The following PHTF2 variants were observed in gnomAD, a reference collection of about 807,000 sequenced individuals.
The protein encoded by PHTF2 is putative homeodomain transcription factor 2.
Under a neutral mutation model 101.2 loss-of-function variants are expected in PHTF2, and 60 were observed. The observed-to-expected ratio is 0.59, with a 90% confidence interval of 0.48 to 0.73. PHTF2 has a LOEUF of 0.73. Ranked by LOEUF, PHTF2 falls within the 30% of genes least tolerant of loss-of-function variation. The probability of loss-of-function intolerance (pLI) is 0.00; values close to 1 mark genes in which losing one functional copy is unlikely to be tolerated. For synonymous variants in PHTF2, 311 were observed against 307.3 expected (o/e 1.01, Z -0.13); for missense variants, 747 against 908.7 (o/e 0.82, Z 2.29).
intron 3 of PHTF2, among the ~76,000 whole-genome samples, chr7:77,863,206 G>A (rs779106581): frequency 1.3e-5 from 2 of 152,118 alleles, no homozygotes; most frequent in Non-Finnish European, 2.9e-5. Context: ...TGATGGATTC[G>A]AATTACAAAG....
intron 1 of PHTF2, 68 bp downstream of exon 1, chr7:77,799,039 G>A (rs1584320023): frequency 6.5e-6 from 1 of 152,700 alleles, no homozygotes; most frequent in Admixed American, 6.5e-5. Flanking sequence ...ACAGAATTTC[G>A]AGGATGGATC....
chr7:77,822,103 T>G (rs946713700), intron 1 of PHTF2, among the ~76,000 whole-genome samples: 1 of 152,166 alleles, frequency 6.6e-6, no homozygotes, highest in Non-Finnish European at 1.5e-5. Flanking sequence ...GGAGGGCATA[T>G]AGCAGTTTTC....
chr7:77,826,225 A>T (rs1400187940), intron 1 of PHTF2, among the ~76,000 whole-genome samples: 2 of 152,228 alleles, frequency 1.3e-5, no homozygotes, highest in African/African-American at 4.8e-5. Flanking sequence ...AGAGAAAAAA[A>T]TTCAAGATGG....
intron 1 of PHTF2, among the ~76,000 whole-genome samples, chr7:77,835,372 G>T (rs1032126182): frequency 6.6e-6 from 1 of 152,050 alleles, no homozygotes; most frequent in East Asian, 1.9e-4. Flanking sequence ...GAAAAGAATG[G>T]AATAGGAATA....
chr7:77,917,400 C>G (rs1803030593), intron 9 of PHTF2, among the ~76,000 whole-genome samples: 2 of 152,168 alleles, frequency 1.3e-5, no homozygotes, highest in African/African-American at 4.8e-5. Context: ...TTGTTAACCC[C>G]AGTCCTTTTC....
intron 3 of PHTF2, among the ~76,000 whole-genome samples, chr7:77,893,068 T>A (rs1465210226): frequency 2.0e-5 from 3 of 152,124 alleles, no homozygotes; most frequent in African/African-American, 7.2e-5. Flanking sequence ...GTTTTCAACA[T>A]CAGAATCATC....
chr7:77,910,011 T>C (rs1456721184), intron 8 of PHTF2: 1 of 356,154 alleles, frequency 2.8e-6, no homozygotes, highest in Non-Finnish European at 5.0e-6. Context: ...CCTTTCAATC[T>C]TCTGTCCACT....
intron 2 of PHTF2, among the ~76,000 whole-genome samples, chr7:77,848,094 TTATC>T (rs1796453907): frequency 6.6e-6 from 1 of 152,234 alleles, no homozygotes; most frequent in African/African-American, 2.4e-5. Context: ...CCAATTTTCT[TTATC>T]CATTCATTCA....
chr7:77,838,886 C>A (rs1226556522), intron 1 of PHTF2, among the ~76,000 whole-genome samples: 1 of 152,038 alleles, frequency 6.6e-6, no homozygotes, highest in Non-Finnish European at 1.5e-5. Context: ...TTATAACAGT[C>A]AAAAATACAG....
intron 16 of PHTF2, among the ~76,000 whole-genome samples, chr7:77,944,028 TCAAA>T (rs1377333494): frequency 6.6e-6 from 1 of 151,478 alleles, no homozygotes; most frequent in Non-Finnish European, 1.5e-5. Context: ...AAAAAAAAAA[TCAAA>T]CAATGCTCGG....
exon 12 of PHTF2, chr7:77,929,210 G>T (rs747486641): frequency 6.2e-7 from 1 of 1,613,070 alleles, no homozygotes; most frequent in Admixed American, 1.7e-5. Flanking sequence ...ATGTGTTATG[G>T]GAAGACTTGT....
rs143462717 is a variant in PHTF2, at chr7:77,887,130, T to C, written c.148-6478T>C. On this transcript the variant is annotated intron_variant, in intron 3 of 19. Transcript: ENST00000416283. ...TGTTGTCTTTGGTACTTCTCAGAGG[T>C]AATCATTATTAATGATTTTCATGTA... 5.5e-3 allele frequency among the ~76,000 whole-genome samples: 831 copies of C among 151,934 alleles called. 10 individuals carry two copies. Among genetic ancestry groups the C allele is most frequent in the African/African-American group, 0.019 (772 of 41,456 alleles).
chr7:77,856,193 G>A (rs1000478684), intron 3 of PHTF2, among the ~76,000 whole-genome samples: 10 of 152,192 alleles, frequency 6.6e-5, no homozygotes, highest in African/African-American at 2.4e-4. Flanking sequence ...AGGTTGGGCA[G>A]CATAACAAGA....
intron 5 of PHTF2, among the ~76,000 whole-genome samples, chr7:77,897,909 G>A (rs1801018708): frequency 6.6e-6 from 1 of 151,492 alleles, no homozygotes; most frequent in Admixed American, 6.6e-5. Context: ...TTGAACTCCT[G>A]ACCTCAGGTG....
intron 1 of PHTF2, among the ~76,000 whole-genome samples, chr7:77,827,709 C>T (rs1794787766): frequency 1.3e-5 from 2 of 151,898 alleles, no homozygotes; most frequent in South Asian, 4.2e-4. Context: ...CTGGTGTGAC[C>T]GCAGCTCACT....
chr7:77,921,066 A>G (rs1215744906), intron 10 of PHTF2, among the ~76,000 whole-genome samples: 1 of 152,190 alleles, frequency 6.6e-6, no homozygotes, highest in Non-Finnish European at 1.5e-5. Flanking sequence ...TGTGTGTGTA[A>G]GAATTTGCAC....
chr7:77,821,125 AGTT>A (rs1794253592), intron 1 of PHTF2, among the ~76,000 whole-genome samples: 1 of 95,940 alleles, frequency 1.0e-5, no homozygotes, highest in African/African-American at 6.9e-5. Context: ...CTTGGATGGC[AGTT>A]TTTTTTTTTT....
chr7:77,934,701 A>G (rs1391967359), intron 12 of PHTF2, among the ~76,000 whole-genome samples: 1 of 152,250 alleles, frequency 6.6e-6, no homozygotes, highest in African/African-American at 2.4e-5. Flanking sequence ...CTCTAATCCC[A>G]GCTTGGGAGG....
At chr7:77,832,673 A>G (rs1163511018) in intron 1 of PHTF2, among the ~76,000 whole-genome samples, 1 of 151,994 alleles carries the variant, frequency 6.6e-6, no homozygotes, top group Non-Finnish European at 1.5e-5. Flanking sequence ...TATGGAATAG[A>G]CTGGACATAA....
Sources: gnomAD v4.1 joint callset for allele counts (sites outside exome capture counted in the v4.1 genomes callset) on GRCh38, gnomAD v4.1.1 for gene constraint, MANE v1.5 for transcripts, NCBI Gene and HGNC (gene_info 2026-07-23, HGNC 2026-07-21) for gene names.